The following NINL variants were observed in gnomAD, a reference collection of about 807,000 sequenced individuals.
The protein encoded by NINL is ninein like, also known as ninein-like protein.
NINL carries 153 observed loss-of-function variants against 160.3 expected under a neutral mutation model. The observed-to-expected ratio is 0.95, with a 90% confidence interval of 0.84 to 1.09. The LOEUF is 1.09. Among genes scored for constraint, NINL ranks in the 50% least tolerant of loss-of-function variants. The probability of loss-of-function intolerance (pLI) is 0.00; values close to 1 mark genes in which losing one functional copy is unlikely to be tolerated. For missense variants in NINL, 1,829 were observed against 1,764.0 expected (o/e 1.04, Z -0.66); for synonymous variants, 800 against 734.8 (o/e 1.09, Z -1.43).
At chr20:25,561,422 G>C (rs1000261440) in intron 1 of NINL, among the ~76,000 whole-genome samples, 28 of 152,344 alleles carry the variant, frequency 1.8e-4, no homozygotes, top group African/African-American at 6.7e-4. Flanking sequence ...GCCCCCCAAA[G>C]TGCCGAGATT....
At chr20:25,499,487 G>A (rs555438578) in intron 8 of NINL, among the ~76,000 whole-genome samples, 2 of 152,200 alleles carry the variant, frequency 1.3e-5, no homozygotes, top group African/African-American at 4.8e-5. Context: ...AGCAGCCAGG[G>A]CACCCCCAGG....
Position 25,476,386 on chromosome 20 carries a change from T to G in NINL, c.2905A>C (p.Arg969=). Residue 969 remains arginine (R), a synonymous_variant, in exon 17 of 24, where the codon AGG becomes CGG. Transcript: ENST00000278886. Reference sequence around the variant, plus strand: ...GCCTGTAGCCTCTCAGCCTGTCCCCTGCACGAAGCGGCCGGCCTCAGGGGT... The same window carrying G: ...GCCTGTAGCCTCTCAGCCTGTCCCCGGCACGAAGCGGCCGGCCTCAGGGGT... ...EPPLRPAASC[R]GQAERLQAIQ... is the part of the protein sequence containing the mutation. 6.2e-7 allele frequency: 1 copy of G among 1,609,882 alleles called. No individual in the cohort carries two copies. Among genetic ancestry groups the G allele is most frequent in the Non-Finnish European group, 8.5e-7 (1 of 1,179,514 alleles).
Position 25,559,388 on chromosome 20 carries a change from G to A in NINL, c.-12+26067C>T, listed in dbSNP as rs559748616. Among the ~76,000 whole-genome samples, 2 of 152,124 alleles carry A rather than the reference G, an allele frequency of 1.3e-5. 1 individual carries two copies. Among genetic ancestry groups the A allele is most frequent in the South Asian group, 4.2e-4 (2 of 4,812 alleles). On this transcript the variant is annotated intron_variant, in intron 1 of 23. Transcript: ENST00000278886. ...CCCAAATAGTTGGGACTACAGGTGC[G>A]TGCCGCCACACCCAACTAATTTTTG...
At chr20:25,488,231 C>G (rs1568897571) in intron 13 of NINL, among the ~76,000 whole-genome samples, 1 of 152,058 alleles carries the variant, frequency 6.6e-6, no homozygotes. Flanking sequence ...CGCTCATTCT[C>G]TTTTTTTGGG....
Position 25,557,122 on chromosome 20 carries a change from G to A in NINL, c.-12+28333C>T, listed in dbSNP as rs143327764. Among the ~76,000 whole-genome samples the A allele has an allele frequency of 1.5e-3, 221 of 152,286 alleles. 2 individuals are homozygous for A. The highest frequency in any genetic ancestry group is 4.7e-3 in the African/African-American group (196 of 41,564). On this transcript the variant is annotated intron_variant, in intron 1 of 23. Transcript: ENST00000278886. ...ACACTTTAAACAGGTGAATTATATG[G>A]TATTTGAATTATATCTCACTTAAAG...
At position 25,476,590 on chromosome 20, in the gene NINL, C is replaced by A. The variant is rs753482511; in HGVS notation, c.2701G>T (p.Gly901Cys). ...ATGCGTGACCACCTCTCTGAGGGGC[C>A]GTGGGATGCCGGGGCAGGGGCGGGG... ...PAPAPAPASH[G>C]PSERWSRMQP... The change falls in exon 17 of 24, where the codon GGC (glycine) becomes TGC (cysteine). Residue 901 changes from glycine to cysteine, a missense_variant. Coordinates refer to ENST00000278886, the MANE Select transcript of NINL (RefSeq NM_025176.6). 21 of 1,598,570 alleles carry A rather than the reference C, an allele frequency of 1.3e-5. No individual in the cohort carries two copies. Among genetic ancestry groups the A allele is most frequent in the Middle Eastern group, 3.3e-4 (2 of 6,072 alleles).
intron 8 of NINL, chr20:25,499,299 G>A: frequency 5.5e-6 from 5 of 910,128 alleles, no homozygotes; most frequent in Non-Finnish European, 6.6e-6. Flanking sequence ...AGCAGCCTGA[G>A]GTCAGAAATG....
intron 1 of NINL, among the ~76,000 whole-genome samples, chr20:25,528,078 G>A (rs1299243505): frequency 6.6e-6 from 1 of 152,112 alleles, no homozygotes; most frequent in East Asian, 1.9e-4. Flanking sequence ...CACCCAGACT[G>A]GAGTGCAGTG....
intron 1 of NINL, among the ~76,000 whole-genome samples, chr20:25,530,783 T>C (rs914698530): frequency 2.0e-5 from 3 of 151,986 alleles, no homozygotes; most frequent in Admixed American, 2.0e-4. Context: ...ACGTGCTTCA[T>C]AAGGTAATAG....
chr20:25,514,640 C>T (rs1601196102), intron 3 of NINL, among the ~76,000 whole-genome samples: 3 of 152,076 alleles, frequency 2.0e-5, no homozygotes, highest in Non-Finnish European at 4.4e-5. Context: ...CATGGCAGTC[C>T]CTCCCATCAC....
intron 1 of NINL, among the ~76,000 whole-genome samples, chr20:25,543,002 T>C (rs903707953): frequency 7.3e-6 from 1 of 136,368 alleles, no homozygotes; most frequent in Non-Finnish European, 1.5e-5. Flanking sequence ...ATCGCACCAC[T>C]GCACTCCAGC....
chr20:25,534,869 C>T (rs6050667), intron 1 of NINL, among the ~76,000 whole-genome samples: 1 of 152,078 alleles, frequency 6.6e-6, no homozygotes, highest in Non-Finnish European at 1.5e-5. Flanking sequence ...CGTATAATAC[C>T]TAAGACAAGG....
chr20:25,584,455 C>G (rs2065206075), intron 1 of NINL, among the ~76,000 whole-genome samples: 1 of 151,876 alleles, frequency 6.6e-6, no homozygotes, highest in African/African-American at 2.4e-5. Context: ...AGTGAAACTT[C>G]GTTTCAAAAA....
At chr20:25,529,536 C>T (rs1286067964) in intron 1 of NINL, among the ~76,000 whole-genome samples, 1 of 152,130 alleles carries the variant, frequency 6.6e-6, no homozygotes, top group Non-Finnish European at 1.5e-5. Context: ...TCAGACAGGG[C>T]GAAGACGAGT....
At chr20:25,503,570 C>T (rs1011712310) in intron 7 of NINL, among the ~76,000 whole-genome samples, 5 of 148,154 alleles carry the variant, frequency 3.4e-5, no homozygotes, top group African/African-American at 1.0e-4. Context: ...CTGAGCAGCA[C>T]GTTCCTCACC....
intron 21 of NINL, chr20:25,458,800 A>C (rs995284749): frequency 2.2e-6 from 1 of 456,688 alleles, no homozygotes; most frequent in South Asian, 3.8e-5. Context: ...TCAGACCCAG[A>C]CTCTGCTGCG....
At chr20:25,471,005 T>C (rs967622047) in intron 17 of NINL, among the ~76,000 whole-genome samples, 2 of 152,172 alleles carry the variant, frequency 1.3e-5, no homozygotes, top group Non-Finnish European at 2.9e-5. Flanking sequence ...GATCTCACCA[T>C]GTTCACTTCA....
chr20:25,504,653 A>G (rs956260062), intron 6 of NINL, among the ~76,000 whole-genome samples: 43 of 152,226 alleles, frequency 2.8e-4, no homozygotes, highest in African/African-American at 9.6e-4. Flanking sequence ...AGTGCCTGCT[A>G]CACCTGAGCG....
intron 14 of NINL, 163 bp downstream of exon 14, chr20:25,481,805 G>T: frequency 9.8e-7 from 1 of 1,025,216 alleles, no homozygotes; most frequent in Non-Finnish European, 1.4e-6. Context: ...TCACCCTGTG[G>T]CATCCCTGGA....
Sources: allele counts gnomAD v4.1 joint callset (sites outside exome capture counted in the v4.1 genomes callset), GRCh38; gene constraint gnomAD v4.1.1; transcripts MANE v1.5; gene names NCBI Gene and HGNC (gene_info 2026-07-23, HGNC 2026-07-21).